Variants in OXR1 observed in about 807,000 individuals in gnomAD.
OXR1 encodes oxidation resistance protein 1.
Under a neutral mutation model 104.6 loss-of-function variants are expected in OXR1, and 41 were observed. That is an observed-to-expected ratio of 0.39 (90% confidence interval 0.31 to 0.51). OXR1 has a LOEUF of 0.51. Ranked by LOEUF, OXR1 falls within the 20% of genes least tolerant of loss-of-function variation. The pLI is 0.77. For missense variants in OXR1, 955 were observed against 1,031.9 expected (o/e 0.93, Z 1.02); for synonymous variants, 348 against 348.4 (o/e 1.00, Z 0.01).
intron 11 of OXR1, among the ~76,000 whole-genome samples, chr8:106,715,018 A>G (rs1832092303): frequency 6.6e-6 from 1 of 152,158 alleles, no homozygotes; most frequent in Admixed American, 6.6e-5. Context: ...TTAAACCAAC[A>G]TTATCAATCT....
At chr8:106,620,590 A>G (rs1821621665) in intron 3 of OXR1, among the ~76,000 whole-genome samples, 1 of 152,174 alleles carries the variant, frequency 6.6e-6, no homozygotes, top group African/African-American at 2.4e-5. Context: ...TCCCTGGAAA[A>G]TACTCAGAGA....
intron 2 of OXR1, among the ~76,000 whole-genome samples, chr8:106,372,241 C>G (rs889081846): frequency 1.3e-5 from 2 of 151,122 alleles, no homozygotes; most frequent in Non-Finnish European, 2.9e-5. Flanking sequence ...ATCAACACCT[C>G]CCTTGGCTGG....
intron 3 of OXR1, among the ~76,000 whole-genome samples, chr8:106,646,732 A>T (rs1341482524): frequency 6.6e-6 from 1 of 152,164 alleles, no homozygotes; most frequent in Non-Finnish European, 1.5e-5. Flanking sequence ...GTAGACACAC[A>T]CTCTCTACTG....
Position 106,695,141 on chromosome 8 carries a change from T to A in OXR1, c.675+2264T>A, listed in dbSNP as rs1432751916. 2.7e-5 allele frequency among the ~76,000 whole-genome samples: 4 copies of A among 150,754 alleles called. No homozygotes were observed. In the East Asian group the frequency reaches 7.7e-4, roughly 29 times the overall value. ...TTCTACATGTTATAAACACAATTCA[T>A]TGTTATTATTTTTGCTTTAAAAAGT... is the stretch of plus-strand genomic sequence containing the variant. On this transcript the variant is annotated intron_variant, in intron 7 of 16. Transcript: ENST00000517566.
intron 2 of OXR1, among the ~76,000 whole-genome samples, chr8:106,463,894 C>T (rs1006793276): frequency 6.6e-6 from 1 of 152,068 alleles, no homozygotes; most frequent in Non-Finnish European, 1.5e-5. Flanking sequence ...CTAAGCCTGA[C>T]TTATCTGTGT....
intron 5 of OXR1, among the ~76,000 whole-genome samples, 182 bp from the exon 6 acceptor site, chr8:106,684,064 T>C (rs376181573): frequency 1.8e-3 from 269 of 152,328 alleles, no homozygotes; most frequent in African/African-American, 6.1e-3. Context: ...GTATATATTA[T>C]CAAATGTGTC....
intron 7 of OXR1, among the ~76,000 whole-genome samples, chr8:106,693,424 C>CTTTT (rs11384137): frequency 5.8e-4 from 57 of 97,534 alleles, no homozygotes; most frequent in Non-Finnish European, 7.0e-4. Context: ...TAGTCAGAAT[C>CTTTT]TTTTTTTTTT....
At chr8:106,651,233 A>G (rs1824544874) in intron 3 of OXR1, among the ~76,000 whole-genome samples, 1 of 152,228 alleles carries the variant, frequency 6.6e-6, no homozygotes, top group South Asian at 2.1e-4. Context: ...CCATCCTGAT[A>G]GAAGAAAATG....
intron 3 of OXR1, among the ~76,000 whole-genome samples, chr8:106,639,260 A>T (rs1823428800): frequency 6.6e-6 from 1 of 152,200 alleles, no homozygotes; most frequent in South Asian, 2.1e-4. Context: ...CACCTAGCAC[A>T]TGTCACTCTA....
At chr8:106,692,664 T>A in intron 6 of OXR1, 64 bp from the exon 7 acceptor site, 1 of 997,902 alleles carries the variant, frequency 1.0e-6, no homozygotes. Flanking sequence ...GACTTTTTAA[T>A]AGTGTGCTCA....
intron 1 of OXR1, among the ~76,000 whole-genome samples, chr8:106,337,104 AT>A (rs1377151701): frequency 6.6e-6 from 1 of 152,220 alleles, no homozygotes. Flanking sequence ...TTAGCGTAGA[AT>A]TACAAAGATA....
intron 3 of OXR1, among the ~76,000 whole-genome samples, chr8:106,637,996 A>G (rs987198635): frequency 6.6e-6 from 1 of 151,720 alleles, no homozygotes; most frequent in African/African-American, 2.4e-5. Context: ...TGATCTCCTG[A>G]CCTCGTGATC....
At chr8:106,280,709 T>A (rs1812246427) in intron 1 of OXR1, among the ~76,000 whole-genome samples, 1 of 152,088 alleles carries the variant, frequency 6.6e-6, no homozygotes, top group African/African-American at 2.4e-5. Flanking sequence ...AGTGTGCACT[T>A]AAAAACGGTT....
chr8:106,530,584 A>T lies in OXR1; in HGVS notation c.220+11445A>T, dbSNP rs370075963. Among the ~76,000 whole-genome samples the T allele has an allele frequency of 7.9e-5, 12 of 152,342 alleles. No homozygotes were observed. The East Asian group carries it at 9.6e-4, about 12-fold the overall frequency. On this transcript the variant is annotated intron_variant, in intron 3 of 16. Coordinates refer to ENST00000517566, the MANE Select transcript of OXR1 (RefSeq NM_001198533.2). ...GGAAAAATAGGTAAAAACCAGACAC[A>T]ACTGGGGGGAGAATCTTCTATTGCT...
chr8:106,602,843 T>C (rs3110433), intron 3 of OXR1, among the ~76,000 whole-genome samples: 90,803 of 151,848 alleles, frequency 0.6, 27,995 homozygotes, highest in African/African-American at 0.76. Flanking sequence ...CCCTTATTCC[T>C]CTATTGTTTG....
intron 2 of OXR1, chr8:106,447,882 C>T: frequency 6.7e-7 from 1 of 1,491,116 alleles, no homozygotes; most frequent in Non-Finnish European, 8.9e-7. Flanking sequence ...CTAGCCCCAC[C>T]CCCCAACAGC....
chr8:106,586,449 A>T (rs1668519016), intron 3 of OXR1, among the ~76,000 whole-genome samples: 1 of 152,192 alleles, frequency 6.6e-6, no homozygotes, highest in Non-Finnish European at 1.5e-5. Context: ...GTTTGCAGAG[A>T]ATTCAGGAGT....
At chr8:106,693,573 G>A (rs867944641) in intron 7 of OXR1, among the ~76,000 whole-genome samples, 5 of 151,826 alleles carry the variant, frequency 3.3e-5, no homozygotes, top group Non-Finnish European at 2.9e-5. Flanking sequence ...GGGATTATAG[G>A]CACTCGCCAC....
At chr8:106,588,430 G>A (rs1218583462) in intron 3 of OXR1, among the ~76,000 whole-genome samples, 2 of 151,904 alleles carry the variant, frequency 1.3e-5, no homozygotes, top group African/African-American at 4.8e-5. Flanking sequence ...CAAGCAAGGA[G>A]GAAAATGTTC....
Sources: allele counts gnomAD v4.1 joint callset (sites outside exome capture counted in the v4.1 genomes callset), GRCh38; gene constraint gnomAD v4.1.1; transcripts MANE v1.5; gene names NCBI Gene and HGNC (gene_info 2026-07-23, HGNC 2026-07-21).